Variants in EIF4G3 observed in about 807,000 individuals in gnomAD.
EIF4G3 encodes eIF-4-gamma 3.
A neutral mutation model predicts 186.4 loss-of-function variants in EIF4G3; 34 were observed. The ratio of observed to expected loss-of-function variants is 0.18; its 90% CI spans 0.14 to 0.24. The LOEUF is 0.24. Among genes scored for constraint, EIF4G3 ranks in the 10% least tolerant of loss-of-function variants. The pLI, the probability that EIF4G3 is intolerant of heterozygous loss-of-function variation, is 1.00. For synonymous variants in EIF4G3, 673 were observed against 679.5 expected (o/e 0.99, Z 0.15); for missense variants, 1,536 against 1,948.5 (o/e 0.79, Z 3.99).
intron 2 of EIF4G3, among the ~76,000 whole-genome samples, chr1:21,164,974 C>T (rs527632034): frequency 6.6e-6 from 1 of 152,286 alleles, no homozygotes; most frequent in South Asian, 2.1e-4. Flanking sequence ...AATAAAAAGA[C>T]ATATGACCCA....
chr1:20,984,553 T>C (rs2079010406), intron 7 of EIF4G3, among the ~76,000 whole-genome samples: 1 of 96,792 alleles, frequency 1.0e-5, no homozygotes, highest in Non-Finnish European at 2.2e-5. Context: ...ATTATATATA[T>C]ATATATACAC....
At chr1:21,154,719 G>C (rs1385277486) in intron 2 of EIF4G3, among the ~76,000 whole-genome samples, 1 of 152,130 alleles carries the variant, frequency 6.6e-6, no homozygotes, top group Non-Finnish European at 1.5e-5. Flanking sequence ...AATTCTAGCT[G>C]AACTATTAAT....
chr1:20,927,893 T>C (rs2154560758), intron 14 of EIF4G3, among the ~76,000 whole-genome samples: 1 of 152,310 alleles, frequency 6.6e-6, no homozygotes, highest in South Asian at 2.1e-4. Context: ...GGTCTTACTC[T>C]GTCACCCAGG....
intron 10 of EIF4G3, among the ~76,000 whole-genome samples, chr1:20,978,203 T>C (rs1018167912): frequency 6.6e-6 from 1 of 152,130 alleles, no homozygotes; most frequent in South Asian, 2.1e-4. Context: ...TAGAATTACA[T>C]AAAAATGGTG....
rs112859964 is a variant in EIF4G3, at chr1:21,148,830, G to GA, written c.-272+27344dup. On this transcript the variant is annotated intron_variant, in intron 2 of 36. Coordinates refer to ENST00000602326, the MANE Select transcript of EIF4G3 (RefSeq NM_001391906.1). ...CAGCAAGATCCTCATGTCAAAAAAAGAAAAAAAAAATCCAACAATAAGGAA... is the reference window on the plus strand; with the variant it reads ...CAGCAAGATCCTCATGTCAAAAAAAGAAAAAAAAAAATCCAACAATAAGGAA... Among the ~76,000 whole-genome samples the GA allele has an allele frequency of 3.9e-3, 568 of 145,140 alleles. 5 individuals carry two copies. Among genetic ancestry groups the GA allele is most frequent in the African/African-American group, 0.013 (520 of 39,494 alleles).
chr1:20,887,251 AG>A (rs1389661623), intron 18 of EIF4G3, among the ~76,000 whole-genome samples: 5 of 151,808 alleles, frequency 3.3e-5, no homozygotes, highest in African/African-American at 1.2e-4. Context: ...GTTGCACTGA[AG>A]GGCTAGCCAT....
intron 4 of EIF4G3, among the ~76,000 whole-genome samples, chr1:21,011,880 C>T (rs1275444411): frequency 6.6e-6 from 1 of 152,076 alleles, no homozygotes; most frequent in Admixed American, 6.5e-5. Context: ...CTTGTAACAC[C>T]ATTAGAGTTA....
intron 33 of EIF4G3, among the ~76,000 whole-genome samples, chr1:20,817,928 G>A (rs983606180): frequency 6.6e-6 from 1 of 151,844 alleles, no homozygotes; most frequent in Non-Finnish European, 1.5e-5. Flanking sequence ...CGCCCTCCTT[G>A]GCCTCCCAAA....
intron 14 of EIF4G3, among the ~76,000 whole-genome samples, chr1:20,933,618 C>T (rs960934976): frequency 4.6e-5 from 7 of 151,782 alleles, no homozygotes; most frequent in South Asian, 2.1e-4. Flanking sequence ...ATCACACCAC[C>T]GCACTCCAGC....
intron 3 of EIF4G3, among the ~76,000 whole-genome samples, chr1:21,055,216 AT>A (rs2094505672): frequency 6.6e-6 from 1 of 152,168 alleles, no homozygotes; most frequent in African/African-American, 2.4e-5. Context: ...AGAATTAATT[AT>A]TTTGATATTT....
At chr1:21,092,549 C>T (rs187264906) in intron 2 of EIF4G3, among the ~76,000 whole-genome samples, 45 of 152,136 alleles carry the variant, frequency 3.0e-4, no homozygotes, top group Admixed American at 2.6e-3. Context: ...GATTCATTGC[C>T]ATCCCCATCA....
intron 14 of EIF4G3, among the ~76,000 whole-genome samples, chr1:20,928,030 T>A (rs2095045583): frequency 2.0e-5 from 3 of 152,168 alleles, no homozygotes; most frequent in South Asian, 2.1e-4. Flanking sequence ...GCTAATTTTT[T>A]ATTTTTTTGT....
chr1:20,922,223 A>G (rs1329545409), intron 14 of EIF4G3, among the ~76,000 whole-genome samples: 1 of 152,208 alleles, frequency 6.6e-6, no homozygotes, highest in Non-Finnish European at 1.5e-5. Flanking sequence ...TATCTCAAAT[A>G]CTTATCAAAG....
At chr1:20,900,973 T>G (rs1055694787) in intron 15 of EIF4G3, among the ~76,000 whole-genome samples, 2 of 152,200 alleles carry the variant, frequency 1.3e-5, no homozygotes, top group Non-Finnish European at 2.9e-5. Flanking sequence ...GTAAATTTTC[T>G]TTTACCATAT....
intron 2 of EIF4G3, among the ~76,000 whole-genome samples, chr1:21,104,282 T>C (rs1018799338): frequency 2.0e-5 from 3 of 152,170 alleles, no homozygotes; most frequent in African/African-American, 7.2e-5. Flanking sequence ...CAACAAATAT[T>C]TTATGAGTAG....
intron 12 of EIF4G3, among the ~76,000 whole-genome samples, chr1:20,957,427 C>T (rs1462468443): frequency 6.7e-6 from 1 of 149,188 alleles, no homozygotes; most frequent in African/African-American, 2.5e-5. Context: ...ATGTCTACAT[C>T]AAAAAGTCTG....
In EIF4G3 at chr1:20,982,337, A is replaced by G; in HGVS notation, c.198+51T>C. The G allele has an allele frequency of 4.4e-6, 6 of 1,366,734 alleles. No individual in the cohort carries two copies. In the South Asian group the frequency reaches 8.1e-5, roughly 19 times the overall value. 84.7% of individuals were successfully genotyped at this position (1,366,734 alleles called of 1,614,324 possible). On this transcript the variant is annotated intron_variant, in intron 8 of 36. Transcript: ENST00000602326. ...CATTAGCAATCAATCTCAATGTAAT[A>G]ATAAGCAGACTGAGTTATAAAGAGG...
chr1:20,919,638 A>G (rs746067751), intron 14 of EIF4G3, among the ~76,000 whole-genome samples: 35 of 152,170 alleles, frequency 2.3e-4, no homozygotes, highest in Non-Finnish European at 4.1e-4. Flanking sequence ...TAAGGCAAGG[A>G]AAAGTCTTTT....
At chr1:21,126,865 A>T (rs1451162973) in intron 2 of EIF4G3, among the ~76,000 whole-genome samples, 2 of 152,138 alleles carry the variant, frequency 1.3e-5, no homozygotes, top group African/African-American at 4.8e-5. Context: ...ATTTGCATAA[A>T]ACCTATGCAT....
Sources: gnomAD v4.1 joint callset for allele counts (sites outside exome capture counted in the v4.1 genomes callset) on GRCh38, gnomAD v4.1.1 for gene constraint, MANE v1.5 for transcripts, NCBI Gene and HGNC (gene_info 2026-07-23, HGNC 2026-07-21) for gene names.